The following DTWD2 variants were observed in gnomAD, a reference collection of about 807,000 sequenced individuals.
DTWD2 encodes the protein tRNA-uridine aminocarboxypropyltransferase 2.
A neutral mutation model predicts 31.8 loss-of-function variants in DTWD2; 39 were observed. That is an observed-to-expected ratio of 1.22 (90% CI 0.95 to 1.60). The LOEUF (loss-of-function observed/expected upper bound fraction) is 1.60. Ranked by LOEUF, DTWD2 falls within the 40% of genes most tolerant of loss-of-function variation. The probability of loss-of-function intolerance (pLI) is 0.00; values close to 1 mark genes in which losing one functional copy is unlikely to be tolerated. For synonymous variants in DTWD2, 180 were observed against 142.8 expected (o/e 1.26, Z -1.86); for missense variants, 515 against 381.5 (o/e 1.35, Z -2.92).
At chr5:118,859,694 A>AT (rs1367238318) in intron 4 of DTWD2, among the ~76,000 whole-genome samples, 2 of 152,226 alleles carry the variant, frequency 1.3e-5, no homozygotes, top group Non-Finnish European at 2.9e-5. Context: ...AAATTGTGTA[A>AT]TAAGATAAGC....
rs1486100245 is a variant in DTWD2 at position 118,939,250 on chromosome 5, C to T, written c.350G>A (p.Cys117Tyr). The T allele has an allele frequency of 3.1e-6, 5 of 1,601,114 alleles. No homozygotes were observed. The highest frequency in any genetic ancestry group is 4.3e-6 in the Non-Finnish European group (5 of 1,173,278). ...CACTTTACACTTGTCCTGGGGGAGG[C>T]ATGCTGCTAGTAGAGGAACTGTACG... ...VLRTVPLLAA[C>Y]LPQDKCKVKI... The change falls in exon 3 of 6, where the codon TGC becomes TAC. Residue 117 changes from cysteine to tyrosine, a missense_variant. Physicochemically the swap from Cys to Tyr is radical, Grantham distance 194 (BLOSUM62 -2). Transcript: ENST00000510708.
chr5:118,979,764 C>T (rs929563863), intron 1 of DTWD2, among the ~76,000 whole-genome samples: 8 of 152,174 alleles, frequency 5.3e-5, no homozygotes, highest in East Asian at 1.9e-4. Context: ...AACCAAACAC[C>T]GCATGTTCTC....
rs201656222 is a variant in DTWD2, at chr5:118,972,076, CCAAA to C, written c.218+16214_218+16217del. ...AACTAAAAGAACTAGAGAAACAAGA[CCAAA>C]CAAACTCCAAAGCTAGCAGAATACA... On this transcript the variant is annotated intron_variant, in intron 1 of 5. Transcript: ENST00000510708. Among the ~76,000 whole-genome samples, 157 of 152,084 alleles carry C rather than the reference CCAAA, an allele frequency of 1.0e-3. No individual in the cohort carries two copies. The East Asian group carries it at 0.025, about 24-fold the overall frequency.
chr5:118,880,353 G>A (rs1350313757), intron 4 of DTWD2, among the ~76,000 whole-genome samples: 1 of 152,116 alleles, frequency 6.6e-6, no homozygotes, highest in Non-Finnish European at 1.5e-5. Context: ...AATCAGATGC[G>A]TGTAACAGTT....
chr5:118,977,042 T>C (rs1190792735), intron 1 of DTWD2, among the ~76,000 whole-genome samples: 1 of 152,056 alleles, frequency 6.6e-6, no homozygotes, highest in Non-Finnish European at 1.5e-5. Flanking sequence ...CATATGCAAA[T>C]CAATAAATGT....
At chr5:118,887,534 C>T (rs1042774471) in intron 4 of DTWD2, among the ~76,000 whole-genome samples, 2 of 152,174 alleles carry the variant, frequency 1.3e-5, no homozygotes, top group African/African-American at 2.4e-5. Flanking sequence ...ATATCAAAAT[C>T]AGTATCTTGC....
intron 1 of DTWD2, among the ~76,000 whole-genome samples, chr5:118,971,238 C>G (rs1754980358): frequency 6.6e-6 from 1 of 152,046 alleles, no homozygotes; most frequent in African/African-American, 2.4e-5. Flanking sequence ...TTCAAGAGAC[C>G]CATCTCACAT....
intron 1 of DTWD2, among the ~76,000 whole-genome samples, chr5:118,964,551 T>C (rs1254704190): frequency 1.3e-5 from 2 of 151,348 alleles, no homozygotes; most frequent in Non-Finnish European, 2.9e-5. Context: ...CTGATGCTCC[T>C]GCCTCAGCCT....
chr5:118,949,938 C>T (rs1296455595), intron 1 of DTWD2, among the ~76,000 whole-genome samples: 3 of 152,070 alleles, frequency 2.0e-5, no homozygotes, highest in East Asian at 1.9e-4. Flanking sequence ...CGGCCGGGCG[C>T]GATGGCTCAC....
intron 5 of DTWD2, among the ~76,000 whole-genome samples, chr5:118,844,077 G>A (rs1399285556): frequency 1.3e-5 from 2 of 152,296 alleles, no homozygotes; most frequent in East Asian, 3.9e-4. Context: ...CAAATCAGCA[G>A]AGGTCCTCAG....
At chr5:118,933,110 C>T (rs943801569) in intron 3 of DTWD2, among the ~76,000 whole-genome samples, 1 of 152,044 alleles carries the variant, frequency 6.6e-6, no homozygotes, top group African/African-American at 2.4e-5. Context: ...TCAAAACTCA[C>T]ACAAGGAGAA....
chr5:118,967,077 T>G (rs914052381), intron 1 of DTWD2, among the ~76,000 whole-genome samples: 1 of 135,658 alleles, frequency 7.4e-6, no homozygotes, highest in South Asian at 2.3e-4. Context: ...AAAAGTCAAA[T>G]AGTAACAGAA....
chr5:118,931,281 G>A (rs1367985166), intron 3 of DTWD2, among the ~76,000 whole-genome samples: 1 of 151,722 alleles, frequency 6.6e-6, no homozygotes, highest in East Asian at 1.9e-4. Flanking sequence ...TATGGTCCCA[G>A]CTACTCGGGA....
intron 4 of DTWD2, among the ~76,000 whole-genome samples, chr5:118,919,258 T>C (rs933382418): frequency 6.6e-6 from 1 of 152,214 alleles, no homozygotes; most frequent in Non-Finnish European, 1.5e-5. Flanking sequence ...AATTATCAAA[T>C]GCAGAGCTTA....
At chr5:118,878,001 TCTA>T (rs1752659659) in intron 4 of DTWD2, among the ~76,000 whole-genome samples, 1 of 152,092 alleles carries the variant, frequency 6.6e-6, no homozygotes, top group South Asian at 2.1e-4. Context: ...GTGAAAGATC[TCTA>T]CAAGGAGAAC....
intron 1 of DTWD2, among the ~76,000 whole-genome samples, chr5:118,944,940 T>C (rs1352660928): frequency 8.5e-5 from 13 of 152,210 alleles, no homozygotes; most frequent in Admixed American, 7.9e-4. Flanking sequence ...GGTCCCTTTA[T>C]TCAAAACATG....
At chr5:118,916,563 G>A (rs1324180729) in intron 4 of DTWD2, among the ~76,000 whole-genome samples, 1 of 151,628 alleles carries the variant, frequency 6.6e-6, no homozygotes, top group Non-Finnish European at 1.5e-5. Context: ...TACTTGGGAG[G>A]TTGAGGCAGG....
chr5:118,848,205 G>A lies in DTWD2; in HGVS notation c.611C>T (p.Thr204Ile). 2 of 1,592,742 alleles carry A rather than the reference G, an allele frequency of 1.3e-6. No homozygotes were observed. The highest frequency in any genetic ancestry group is 1.7e-4 in the Middle Eastern group (1 of 5,982). ...AATTACATACTGACTAGAAATGCTA[G>A]TTTTTAATTGCACCTGAAATCAAAA... ...FRHPKQVQLK[T>I]SISSQYVIRM... The change falls in exon 5 of 6, where the codon ACT (threonine) becomes ATT (isoleucine). Residue 204 changes from threonine (T) to isoleucine (I), a missense_variant. Transcript: ENST00000510708.
intron 4 of DTWD2, among the ~76,000 whole-genome samples, chr5:118,898,206 T>C (rs1753124094): frequency 6.6e-6 from 1 of 152,150 alleles, no homozygotes; most frequent in Non-Finnish European, 1.5e-5. Flanking sequence ...ATTGGTACAT[T>C]TGAAGTCTTC....
Sources: allele counts gnomAD v4.1 joint callset (sites outside exome capture counted in the v4.1 genomes callset), GRCh38; gene constraint gnomAD v4.1.1; transcripts MANE v1.5; gene names NCBI Gene and HGNC (gene_info 2026-07-23, HGNC 2026-07-21).